ELAPOR2: variants seen among roughly 807,000 people sequenced by gnomAD.
The protein encoded by ELAPOR2 is endosome/lysosome-associated apoptosis and autophagy regulator family member 2.
Under a neutral mutation model 120.7 loss-of-function variants are expected in ELAPOR2, and 89 were observed. The ratio of observed to expected loss-of-function variants is 0.74; its 90% confidence interval spans 0.62 to 0.88. The LOEUF (loss-of-function observed/expected upper bound fraction) is 0.88, where lower values mean the gene tolerates loss of function less well. Among genes scored for constraint, ELAPOR2 ranks in the 40% least tolerant of loss-of-function variants. The pLI is 0.00. For synonymous variants in ELAPOR2, 444 were observed against 444.9 expected (o/e 1.00, Z 0.03); for missense variants, 1,134 against 1,251.6 (o/e 0.91, Z 1.42).
chr7:86,926,220 G>A (rs966408797), intron 9 of ELAPOR2, among the ~76,000 whole-genome samples: 1 of 152,032 alleles, frequency 6.6e-6, no homozygotes, highest in African/African-American at 2.4e-5. Flanking sequence ...CTGCAAAATT[G>A]AAAGAGAAGG....
chr7:87,052,777 T>TTTTG lies in ELAPOR2; in HGVS notation c.189+6544_189+6547dup, dbSNP rs1218706277. On this transcript the variant is annotated intron_variant, in intron 1 of 21. Coordinates refer to ENST00000450689, the MANE Select transcript of ELAPOR2 (RefSeq NM_001142749.3). Reference sequence around the variant, plus strand: ...TATTCTGATCACAGGGTTTGTTTTCTTTTGTTTTGTTTTGTTTTGTTTTGT... The same window carrying TTTTG: ...TATTCTGATCACAGGGTTTGTTTTCTTTTGTTTGTTTTGTTTTGTTTTGTTTTGT... Among the ~76,000 whole-genome samples the TTTTG allele has an allele frequency of 2.5e-3, 74 of 30,050 alleles. 1 individual carries two copies. The highest frequency in any genetic ancestry group is 8.7e-4 in the Non-Finnish European group (8 of 9,204). The allele number at this position is 30,050 out of a possible 152,430, so 19.7% of individuals were successfully genotyped here.
chr7:86,980,320 A>G (rs769891879), intron 1 of ELAPOR2, among the ~76,000 whole-genome samples: 2 of 152,214 alleles, frequency 1.3e-5, no homozygotes, highest in Non-Finnish European at 2.9e-5. Flanking sequence ...GCACAAGAAC[A>G]ATTCTGTCTT....
intron 9 of ELAPOR2, among the ~76,000 whole-genome samples, chr7:86,926,283 G>C (rs937900249): frequency 3.3e-5 from 5 of 152,000 alleles, no homozygotes; most frequent in Admixed American, 6.6e-5. Context: ...ACATCAGTAA[G>C]AAAAGGAGTA....
At chr7:87,039,820 G>T (rs541464375) in intron 1 of ELAPOR2, among the ~76,000 whole-genome samples, 3 of 152,214 alleles carry the variant, frequency 2.0e-5, no homozygotes, top group African/African-American at 7.2e-5. Flanking sequence ...CGTGAGCGAC[G>T]CAGAAGACGG....
At chr7:86,973,887 T>C (rs1792186755) in intron 1 of ELAPOR2, among the ~76,000 whole-genome samples, 1 of 152,082 alleles carries the variant, frequency 6.6e-6, no homozygotes, top group Admixed American at 6.6e-5. Flanking sequence ...CTAAAGGTAG[T>C]ATTGGTTTCT....
At chr7:86,911,882 A>C in intron 15 of ELAPOR2, 190 bp downstream of exon 15, 1 of 615,058 alleles carries the variant, frequency 1.6e-6, no homozygotes, top group Admixed American at 2.9e-5. Context: ...ACTGAGAACC[A>C]GACAAGGTTG....
intron 4 of ELAPOR2, 115 bp from the exon 5 acceptor site, chr7:86,942,219 T>C: frequency 1.8e-6 from 1 of 554,938 alleles, no homozygotes; most frequent in Non-Finnish European, 3.3e-6. Flanking sequence ...ACAATGGCCA[T>C]GAGTAATTCT....
chr7:86,994,757 T>C lies in ELAPOR2; in HGVS notation c.190-29733A>G, dbSNP rs1460029613. Among the ~76,000 whole-genome samples, 3 of 152,064 alleles carry C rather than the reference T, an allele frequency of 2.0e-5. No individual in the cohort carries two copies. In the East Asian group the frequency reaches 5.8e-4, roughly 29 times the overall value. On this transcript the variant is annotated intron_variant, in intron 1 of 21. Coordinates refer to ENST00000450689, the MANE Select transcript of ELAPOR2 (RefSeq NM_001142749.3). ...TTTAGCTGGTACTAAGAAGATATCT[T>C]AGTTTTGTAGACACATATAGGAGTA...
chr7:86,950,156 C>T (rs1791184636), intron 2 of ELAPOR2, among the ~76,000 whole-genome samples: 2 of 152,198 alleles, frequency 1.3e-5, no homozygotes, highest in South Asian at 4.1e-4. Context: ...AGCTGAGACA[C>T]CCTGCTTATG....
Position 86,893,068 on chromosome 7 carries a change from C to T in ELAPOR2, c.2718G>A (p.Trp906Ter), listed in dbSNP as rs757455330. Residue 906 changes from tryptophan (W) to a stop codon, truncating the protein, a stop_gained, in exon 20 of 22, where the codon TGG becomes TGA. Coordinates refer to ENST00000450689, the MANE Select transcript of ELAPOR2 (RefSeq NM_001142749.3). LOFTEE classifies it high-confidence loss of function. ...CAGGCAAAGAAATTCCTTTAATGCACCATTTAGGTTCATTCCACACATACA... is the reference window on the plus strand; with the variant it reads ...CAGGCAAAGAAATTCCTTTAATGCATCATTTAGGTTCATTCCACACATACA... ...ETLYVWNEPK[W>*]CIKGISLPEK... 1.9e-6 allele frequency: 3 copies of T among 1,562,760 alleles called. No individual in the cohort carries two copies. In the Admixed American group the frequency reaches 6.0e-5, roughly 31 times the overall value.
At chr7:86,883,617 T>C (rs1241011088) in intron 21 of ELAPOR2, among the ~76,000 whole-genome samples, 2 of 152,198 alleles carry the variant, frequency 1.3e-5, no homozygotes. Flanking sequence ...AATATCTTTC[T>C]GAGTAAAGTA....
At chr7:86,939,306 C>A (rs1428538707) in intron 6 of ELAPOR2, among the ~76,000 whole-genome samples, 4 of 151,870 alleles carry the variant, frequency 2.6e-5, no homozygotes, top group Admixed American at 2.6e-4. Flanking sequence ...AACCTGTTCC[C>A]TTTTTTTTCC....
chr7:86,926,693 C>A (rs754673683), intron 9 of ELAPOR2, 43 bp downstream of exon 9: 2 of 1,523,462 alleles, frequency 1.3e-6, no homozygotes, highest in Non-Finnish European at 8.9e-7. Context: ...CCAACAAGAT[C>A]ATTTTGCTAA....
At chr7:86,961,457 T>C (rs923194420) in intron 2 of ELAPOR2, among the ~76,000 whole-genome samples, 2 of 152,180 alleles carry the variant, frequency 1.3e-5, no homozygotes, top group African/African-American at 4.8e-5. Context: ...TTCCAGATTG[T>C]CTGAAAAATA....
intron 1 of ELAPOR2, among the ~76,000 whole-genome samples, chr7:87,017,963 T>C (rs962487290): frequency 2.0e-5 from 3 of 152,052 alleles, no homozygotes; most frequent in Non-Finnish European, 2.9e-5. Context: ...AGATTAATAA[T>C]TGTCATTAAC....
At chr7:86,922,168 T>C (rs1789862763) in intron 10 of ELAPOR2, among the ~76,000 whole-genome samples, 2 of 152,138 alleles carry the variant, frequency 1.3e-5, no homozygotes, top group East Asian at 3.9e-4. Flanking sequence ...TATGGAACAG[T>C]GTCAACCAGA....
intron 21 of ELAPOR2, among the ~76,000 whole-genome samples, chr7:86,887,827 C>G (rs1219232811): frequency 6.6e-6 from 1 of 152,050 alleles, no homozygotes; most frequent in East Asian, 1.9e-4. Context: ...GGAAAGGGAT[C>G]ATCTCCTTTT....
intron 2 of ELAPOR2, among the ~76,000 whole-genome samples, chr7:86,957,297 T>C (rs1332305472): frequency 6.6e-6 from 1 of 152,220 alleles, no homozygotes; most frequent in Non-Finnish European, 1.5e-5. Flanking sequence ...TGTCCCTTTA[T>C]GTATAGAACA....
intron 12 of ELAPOR2, among the ~76,000 whole-genome samples, chr7:86,915,447 T>A (rs183470858): frequency 1.5e-4 from 23 of 152,032 alleles, no homozygotes; most frequent in African/African-American, 5.3e-4. Context: ...ATTTATATTT[T>A]ATTTATTATT....
Sources: gnomAD v4.1 joint callset for allele counts (sites outside exome capture counted in the v4.1 genomes callset) on GRCh38, gnomAD v4.1.1 for gene constraint, MANE v1.5 for transcripts, NCBI Gene and HGNC (gene_info 2026-07-23, HGNC 2026-07-21) for gene names.